Variants in KLF15 observed in about 807,000 individuals in gnomAD.
KLF15 encodes the protein Krueppel-like factor 15.
In KLF15, 4 loss-of-function variants were observed where a neutral mutation model predicts 24.6. That is an observed-to-expected ratio of 0.16 (90% confidence interval 0.08 to 0.37). The LOEUF is 0.37. Ranked by LOEUF, KLF15 falls within the 10% of genes least tolerant of loss-of-function variation. The pLI is 1.00. For synonymous variants in KLF15, 246 were observed against 236.3 expected (o/e 1.04, Z -0.37); for missense variants, 496 against 560.6 (o/e 0.88, Z 1.16).
the KLF15 span, among the ~76,000 whole-genome samples, chr3:126,295,603 T>G: frequency 6.6e-6 from 1 of 152,118 alleles, no homozygotes. Flanking sequence ...CACCCAGAGA[T>G]GTGATCAGCT....
the KLF15 span, among the ~76,000 whole-genome samples, chr3:126,316,868 C>T: frequency 2.6e-5 from 4 of 152,096 alleles, no homozygotes; most frequent in Admixed American, 6.5e-5. Context: ...AGTGCCCCCT[C>T]AGCAGGACCA....
At chr3:126,307,766 A>G in the KLF15 span, among the ~76,000 whole-genome samples, 1 of 152,138 alleles carries the variant, frequency 6.6e-6, no homozygotes, top group Non-Finnish European at 1.5e-5. Context: ...GGCTAAGGGG[A>G]GCCATCCCCT....
the KLF15 span, among the ~76,000 whole-genome samples, chr3:126,310,801 G>A: frequency 6.6e-6 from 1 of 152,134 alleles, no homozygotes; most frequent in Non-Finnish European, 1.5e-5. Flanking sequence ...TCTCCAAATA[G>A]AGTCCTTTTC....
At chr3:126,349,473 A>G (rs536431103) in intron 2 of KLF15, among the ~76,000 whole-genome samples, 1 of 152,228 alleles carries the variant, frequency 6.6e-6, no homozygotes, top group Admixed American at 6.5e-5. Flanking sequence ...TCAGAGCTGA[A>G]TCCCCTCCAC....
In KLF15 at chr3:126,356,519, G is replaced by C. The variant is rs574243503; in HGVS notation, c.-26+718C>G. 6.6e-6 allele frequency among the ~76,000 whole-genome samples: 1 copy of C among 152,206 alleles called. No individual in the cohort carries two copies. The highest frequency in any genetic ancestry group is 2.4e-5 in the African/African-American group (1 of 41,532). The stretch of plus-strand genomic sequence containing the variant: ...TCAGGCCATGGCTTTGGTAATGTTC[G>C]GTCTGAGCGGACGGGGACTCAGCGT... On this transcript the variant is annotated intron_variant, in intron 1 of 2. Coordinates refer to ENST00000296233, the MANE Select transcript of KLF15 (RefSeq NM_014079.4). The surrounding 1 kb of genome is among the most constrained non-coding windows in gnomAD (Gnocchi z 4.4).
At chr3:126,354,371 C>G (rs2107559321) in intron 1 of KLF15, 1 of 152,402 alleles carries the variant, frequency 6.6e-6, no homozygotes, top group South Asian at 2.1e-4. Context: ...TCTCCAGGAC[C>G]CCTTCAGGGC....
the KLF15 span, among the ~76,000 whole-genome samples, chr3:126,288,602 C>A: frequency 1.7e-4 from 26 of 152,356 alleles, no homozygotes; most frequent in Admixed American, 7.2e-4. Context: ...GTCCTCTGCG[C>A]CTGCTGCAGC....
At chr3:126,297,619 C>A in the KLF15 span, among the ~76,000 whole-genome samples, 64 of 152,190 alleles carry the variant, frequency 4.2e-4, no homozygotes, top group African/African-American at 1.4e-3. Context: ...CCCCACACGT[C>A]CCCAAAGTCC....
At chr3:126,291,536 G>T in the KLF15 span, among the ~76,000 whole-genome samples, 1 of 152,246 alleles carries the variant, frequency 6.6e-6, no homozygotes, top group African/African-American at 2.4e-5. Flanking sequence ...GACTTTGGCT[G>T]GTCAATAAGT....
the KLF15 span, among the ~76,000 whole-genome samples, chr3:126,316,599 G>T: frequency 2.4e-5 from 3 of 126,414 alleles, no homozygotes; most frequent in Non-Finnish European, 5.1e-5. Flanking sequence ...AGTGGGGAGT[G>T]GGGAAGGGAG....
the KLF15 span, among the ~76,000 whole-genome samples, chr3:126,301,361 C>A: frequency 2.0e-5 from 3 of 152,162 alleles, no homozygotes; most frequent in Admixed American, 6.5e-5. Context: ...TGGACGGCTT[C>A]CCAGCTGCCC....
Position 126,351,969 on chromosome 3 carries a change from G to A in KLF15, c.954C>T (p.Ile318=), listed in dbSNP as rs2082586107. 2 of 1,605,894 alleles carry A rather than the reference G, an allele frequency of 1.2e-6. No individual in the cohort carries two copies. Among genetic ancestry groups the A allele is most frequent in the Non-Finnish European group, 1.7e-6 (2 of 1,176,196 alleles). The change falls in exon 2 of 3, where the codon ATC becomes ATT. Residue 318 remains isoleucine (I), a synonymous_variant. Coordinates refer to ENST00000296233, the MANE Select transcript of KLF15 (RefSeq NM_014079.4). The part of the protein sequence containing the change: ...KFPKNPAAEL[I]KMHKCTFPGC... ...CAGGGAAAGTACATTTGTGCATTTT[G>A]ATGAGTTCTGCGGCTGGGTTCTTGG...
At chr3:126,337,361 G>A in the KLF15 span, among the ~76,000 whole-genome samples, 2 of 136,200 alleles carry the variant, frequency 1.5e-5, no homozygotes, top group Non-Finnish European at 3.1e-5. Context: ...TCACTCATAG[G>A]TGGGAATTGA....
At chr3:126,327,727 T>A in the KLF15 span, among the ~76,000 whole-genome samples, 1 of 152,206 alleles carries the variant, frequency 6.6e-6, no homozygotes, top group Admixed American at 6.5e-5. Flanking sequence ...GTTTACATAA[T>A]GTAAATTTTA....
chr3:126,315,445 C>A, the KLF15 span, among the ~76,000 whole-genome samples: 1 of 152,132 alleles, frequency 6.6e-6, no homozygotes, highest in Non-Finnish European at 1.5e-5. Context: ...CCACTGTGCC[C>A]CAGATGGGGG....
At chr3:126,331,438 G>C in the KLF15 span, among the ~76,000 whole-genome samples, 2 of 152,140 alleles carry the variant, frequency 1.3e-5, no homozygotes, top group Admixed American at 1.3e-4. Flanking sequence ...TTCTTCCCAC[G>C]GTTGAGTATT....
downstream of KLF15, among the ~76,000 whole-genome samples, chr3:126,342,185 C>T (rs903159854): frequency 1.2e-4 from 18 of 152,216 alleles, no homozygotes; most frequent in Admixed American, 9.8e-4. Context: ...TTACCCACGC[C>T]AGTAGGAAAT....
At chr3:126,290,985 A>G in the KLF15 span, 1 of 152,216 alleles carries the variant, frequency 6.6e-6, no homozygotes, top group African/African-American at 2.4e-5. Context: ...ACAGAGGGCC[A>G]TGTCTGAAAC....
chr3:126,311,918 G>T, the KLF15 span, among the ~76,000 whole-genome samples: 1 of 152,186 alleles, frequency 6.6e-6, no homozygotes, highest in South Asian at 2.1e-4. Context: ...GCTATCAATC[G>T]TAAATCACTG....
Sources: gnomAD v4.1 joint callset for allele counts (sites outside exome capture counted in the v4.1 genomes callset) on GRCh38, gnomAD v4.1.1 for gene constraint, Gnocchi (gnomAD v3.1) non-coding constraint, MANE v1.5 for transcripts, NCBI Gene and HGNC (gene_info 2026-07-23, HGNC 2026-07-21) for gene names.